Variants in PHLPP2 observed in about 807,000 individuals in gnomAD.
PHLPP2 encodes the protein PH domain leucine-rich repeat-containing protein phosphatase 2.
PHLPP2 carries 66 observed loss-of-function variants against 124.9 expected under a neutral mutation model. That is an observed-to-expected ratio of 0.53 (90% CI 0.43 to 0.65). PHLPP2 has a LOEUF of 0.65. PHLPP2 is among the 30% of genes least tolerant of loss of function. The pLI is 0.00. For synonymous variants in PHLPP2, 681 were observed against 624.7 expected (o/e 1.09, Z -1.34); for missense variants, 1,685 against 1,600.4 (o/e 1.05, Z -0.90).
chr16:71,708,956 T>C (rs1317588101), intron 2 of PHLPP2, among the ~76,000 whole-genome samples: 1 of 150,630 alleles, frequency 6.6e-6, no homozygotes, highest in Non-Finnish European at 1.5e-5. Flanking sequence ...CAACATAGCA[T>C]GATCCAATCT....
In PHLPP2 at chr16:71,655,323, C is replaced by A. The variant is rs776766333; in HGVS notation, c.2502G>T (p.Thr834=). Residue 834 remains threonine, a synonymous_variant, in exon 17 of 19, where the codon ACG becomes ACT. Transcript: ENST00000568954. The stretch of plus-strand genomic sequence containing the variant: ...CCTCTTCTAAAAGCACATCTGCCAT[C>A]GTACACTGCAGCAGGCGCGGGAGCT... ...NEELPRLLQC[T]MADVLLEEVQ... is the part of the protein sequence containing the mutation. 1.2e-6 allele frequency: 2 copies of A among 1,613,760 alleles called. No individual in the cohort carries two copies. The highest frequency in any genetic ancestry group is 2.2e-5 in the East Asian group (1 of 44,906).
rs57755507 is a variant in PHLPP2, at chr16:71,689,385, CTTTTT to C, written c.609+1129_609+1133del. 1.8e-4 allele frequency among the ~76,000 whole-genome samples: 11 copies of C among 62,540 alleles called. No homozygotes were observed. The East Asian group carries it at 1.8e-3, about 10-fold the overall frequency. The allele number at this position is 62,540 out of a possible 152,430, so 41.0% of individuals were successfully genotyped here. Reference sequence around the variant, plus strand: ...TCAGGCGCCACACCACTACACCTGGCTTTTTTTTTTTTTTTTTTTTTTTTTGAGAC... The same window carrying C: ...TCAGGCGCCACACCACTACACCTGGCTTTTTTTTTTTTTTTTTTTTGAGAC... On this transcript the variant is annotated intron_variant, in intron 4 of 18. Coordinates refer to ENST00000568954, the MANE Select transcript of PHLPP2 (RefSeq NM_015020.3).
chr16:71,657,784 AAAG>A (rs1451835449), intron 15 of PHLPP2, among the ~76,000 whole-genome samples: 1 of 152,226 alleles, frequency 6.6e-6, no homozygotes, highest in African/African-American at 2.4e-5. Context: ...AACTACTGGC[AAAG>A]AAGGAGGGGA....
chr16:71,657,660 C>T (rs951693378), intron 15 of PHLPP2, among the ~76,000 whole-genome samples: 3 of 152,158 alleles, frequency 2.0e-5, no homozygotes, highest in African/African-American at 7.2e-5. Flanking sequence ...TCCCAAAGTG[C>T]TGGGATTACA....
intron 7 of PHLPP2, among the ~76,000 whole-genome samples, 169 bp from the exon 8 acceptor site, chr16:71,679,154 T>TA (rs996358171): frequency 4.3e-4 from 65 of 152,302 alleles, no homozygotes; most frequent in African/African-American, 1.5e-3. Flanking sequence ...ACACACAACT[T>TA]AAACAAATGG....
intron 1 of PHLPP2, among the ~76,000 whole-genome samples, chr16:71,718,350 C>G (rs1457660856): frequency 6.6e-6 from 1 of 151,944 alleles, no homozygotes; most frequent in African/African-American, 2.4e-5. Flanking sequence ...GAGGCCAAGG[C>G]AGGCGGATCA....
intron 1 of PHLPP2, chr16:71,723,897 G>C: frequency 1.1e-6 from 1 of 950,152 alleles, no homozygotes; most frequent in Non-Finnish European, 1.3e-6. Flanking sequence ...GAGACGCCCG[G>C]CCCGCGCGAC....
At chr16:71,665,896 A>G (rs1422898970) in intron 12 of PHLPP2, among the ~76,000 whole-genome samples, 1 of 152,228 alleles carries the variant, frequency 6.6e-6, no homozygotes, top group East Asian at 1.9e-4. Flanking sequence ...TTTGAAGACT[A>G]TCCAATCAAC....
chr16:71,653,066 GAAGA>G (rs2044709252), intron 17 of PHLPP2, 45 bp from the exon 18 acceptor site: 1 of 1,178,026 alleles, frequency 8.5e-7, no homozygotes, highest in African/African-American at 1.5e-5. Flanking sequence ...GCTAGTTTTA[GAAGA>G]AAGTGGTGGT....
intron 2 of PHLPP2, among the ~76,000 whole-genome samples, chr16:71,707,273 C>G (rs1003615819): frequency 6.6e-6 from 1 of 152,036 alleles, no homozygotes; most frequent in Non-Finnish European, 1.5e-5. Flanking sequence ...CCATTTTTTA[C>G]GCACCACTGC....
intron 17 of PHLPP2, 76 bp downstream of exon 17, chr16:71,655,164 C>T: frequency 1.0e-6 from 1 of 954,346 alleles, no homozygotes; most frequent in South Asian, 1.4e-5. Flanking sequence ...TAATTTAGAC[C>T]CTGACCTTCT....
intron 13 of PHLPP2, among the ~76,000 whole-genome samples, chr16:71,660,145 T>C (rs2044775905): frequency 1.3e-5 from 2 of 151,952 alleles, no homozygotes; most frequent in Admixed American, 1.3e-4. Flanking sequence ...AAATAATCTC[T>C]GATAACATTT....
chr16:71,709,743 A>C (rs1486341079), intron 2 of PHLPP2, among the ~76,000 whole-genome samples: 2 of 152,238 alleles, frequency 1.3e-5, no homozygotes, highest in African/African-American at 4.8e-5. Context: ...GTTTTCACTG[A>C]GGGAAATGGC....
Position 71,663,936 on chromosome 16 carries a change from G to A in PHLPP2, c.1948C>T (p.His650Tyr). Residue 650 changes from histidine (H) to tyrosine (Y), a missense_variant, in exon 13 of 19, where the codon CAC (histidine) becomes TAC (tyrosine). Physicochemically the swap from His to Tyr is moderately conservative, Grantham distance 83. Transcript: ENST00000568954. ...LVGHLHLRIL[H>Y]LANNQLQTFP... is the part of the protein sequence containing the mutation. ...GTCTGTAACTGATTGTTTGCAAGGT[G>A]CAAGATTCGCAGGTGCAGGTGCCCT... 2 of 1,614,130 alleles carry A rather than the reference G, an allele frequency of 1.2e-6. No homozygotes were observed. The highest frequency in any genetic ancestry group is 1.7e-6 in the Non-Finnish European group (2 of 1,179,950).
At position 71,663,299 on chromosome 16, in the gene PHLPP2, G is replaced by C. The variant is rs140860237; in HGVS notation, c.1985+600C>G. On this transcript the variant is annotated intron_variant, in intron 13 of 18. Coordinates refer to ENST00000568954, the MANE Select transcript of PHLPP2 (RefSeq NM_015020.3). ...GCTAATATTTTGTAGTTTTAGTAGA[G>C]ATGGGGTTTCACCATATGGGCCAGG... is the stretch of plus-strand genomic sequence containing the variant. Among the ~76,000 whole-genome samples, 20 of 152,316 alleles carry C rather than the reference G, an allele frequency of 1.3e-4. No individual in the cohort carries two copies. In the East Asian group the frequency reaches 2.9e-3, roughly 22 times the overall value.
chr16:71,695,538 G>A (rs916811598), intron 3 of PHLPP2, among the ~76,000 whole-genome samples: 68 of 152,126 alleles, frequency 4.5e-4, no homozygotes, highest in African/African-American at 1.4e-3. Context: ...GTGAAACCCC[G>A]CCTCTACTAA....
At chr16:71,669,449 T>C (rs182476953) in intron 10 of PHLPP2, 79 bp from the exon 11 acceptor site, 11 of 1,036,194 alleles carry the variant, frequency 1.1e-5, no homozygotes, top group East Asian at 9.5e-5. Flanking sequence ...ATGTATCCAT[T>C]AACCAGCCTG....
intron 5 of PHLPP2, among the ~76,000 whole-genome samples, chr16:71,683,323 A>C (rs2045021215): frequency 6.6e-6 from 1 of 152,258 alleles, no homozygotes; most frequent in Admixed American, 6.5e-5. Context: ...GCTAAAGTGC[A>C]GAAATTATGT....
At chr16:71,684,636 A>G (rs1232630689) in intron 4 of PHLPP2, 35 bp from the exon 5 acceptor site, 1 of 869,012 alleles carries the variant, frequency 1.2e-6, no homozygotes, top group East Asian at 4.4e-5. Context: ...CAGAACCACT[A>G]AAAAAAAAAA....
Sources: allele counts gnomAD v4.1 joint callset (sites outside exome capture counted in the v4.1 genomes callset), GRCh38; gene constraint gnomAD v4.1.1; transcripts MANE v1.5; gene names NCBI Gene and HGNC (gene_info 2026-07-23, HGNC 2026-07-21).